Variants in PCDHGA2 observed in about 807,000 individuals in gnomAD.
PCDHGA2 encodes the protein protocadherin gamma-A2.
PCDHGA2 carries 40 observed loss-of-function variants against 59.2 expected under a neutral mutation model. The observed-to-expected ratio is 0.68, with a 90% confidence interval of 0.52 to 0.88. The LOEUF is 0.88. PCDHGA2 is among the 40% of genes least tolerant of loss of function. PCDHGA2 has a pLI of 0.00. For missense variants in PCDHGA2, 1,226 were observed against 1,204.0 expected (o/e 1.02, Z -0.27); for synonymous variants, 560 against 526.0 (o/e 1.06, Z -0.89).
intron 1 of PCDHGA2, among the ~76,000 whole-genome samples, chr5:141,347,066 CCTTCCT>C (rs1561493179): frequency 1.3e-5 from 2 of 149,860 alleles, no homozygotes; most frequent in African/African-American, 4.9e-5. Flanking sequence ...TTCCTTCCTT[CCTTCCT>C]CTCTCTCTTT....
rs1382764259 is a variant in PCDHGA2 at position 141,478,383 on chromosome 5, T to G, written c.2425-16424T>G. 2.5e-6 allele frequency: 4 copies of G among 1,613,630 alleles called. No individual in the cohort carries two copies. In the Admixed American group the frequency reaches 6.7e-5, roughly 27 times the overall value. Reference sequence around the variant, plus strand: ...CGGGGAGGCCTGATGTCGCCGCACCTTTACCATCAGGTGTATCTCACCACG... The same window carrying G: ...CGGGGAGGCCTGATGTCGCCGCACCGTTACCATCAGGTGTATCTCACCACG... On this transcript the variant is annotated intron_variant, in intron 1 of 3. Coordinates refer to ENST00000394576, the MANE Select transcript of PCDHGA2 (RefSeq NM_018915.4).
At chr5:141,341,460 C>T (rs777325888) in intron 1 of PCDHGA2, 65 bp downstream of exon 1, 3 of 1,602,750 alleles carry the variant, frequency 1.9e-6, no homozygotes, top group Non-Finnish European at 1.7e-6. Flanking sequence ...TACTTGTTTA[C>T]TATATCTATT....
intron 1 of PCDHGA2, among the ~76,000 whole-genome samples, chr5:141,347,616 G>A (rs1322206941): frequency 1.3e-5 from 2 of 152,010 alleles, no homozygotes; most frequent in Admixed American, 1.3e-4. Flanking sequence ...GTGAAAGCCT[G>A]TCTCTACTAA....
chr5:141,504,561 T>G (rs1023434942), intron 2 of PCDHGA2, among the ~76,000 whole-genome samples: 1 of 150,052 alleles, frequency 6.7e-6, no homozygotes, highest in Non-Finnish European at 1.5e-5. Context: ...GGGACTGGCA[T>G]TCTAGGGAAC....
At chr5:141,385,224 T>G (rs751833387) in intron 1 of PCDHGA2, 2 of 1,614,206 alleles carry the variant, frequency 1.2e-6, no homozygotes, top group Non-Finnish European at 1.7e-6. Flanking sequence ...AGCCCAACTA[T>G]GTAGACATGC....
At position 141,471,056 on chromosome 5, in the gene PCDHGA2, T is replaced by C. The variant is rs1367189715; in HGVS notation, c.2425-23751T>C. On this transcript the variant is annotated intron_variant, in intron 1 of 3. Coordinates refer to ENST00000394576, the MANE Select transcript of PCDHGA2 (RefSeq NM_018915.4). ...ACAAGCCCAAGCCCTCTTTTTTTTT[T>C]TTTTTTTTTTGAGACAGGGTCTCCC... Among the ~76,000 whole-genome samples, 581 of 150,056 alleles carry C rather than the reference T, an allele frequency of 3.9e-3. 6 individuals are homozygous for C. Among genetic ancestry groups the C allele is most frequent in the Admixed American group, 0.011 (167 of 15,092 alleles).
intron 1 of PCDHGA2, chr5:141,478,866 C>G: frequency 7.7e-7 from 1 of 1,304,352 alleles, no homozygotes; most frequent in East Asian, 2.5e-5. Context: ...TCTCAGCGAT[C>G]AGAGTTTAGC....
At position 141,485,685 on chromosome 5, in the gene PCDHGA2, G is replaced by A; in HGVS notation, c.2425-9122G>A. ...GGGAGCAATTCGATTAGCAGCTATA[G>A]GCTGAGCTCCAATGAACACTTTGCA... On this transcript the variant is annotated intron_variant, in intron 1 of 3. Coordinates refer to ENST00000394576, the MANE Select transcript of PCDHGA2 (RefSeq NM_018915.4). This position sits in a 1 kb window ranked among gnomAD's most constrained non-coding sequence, Gnocchi z 5.7. 1.2e-6 allele frequency: 2 copies of A among 1,614,052 alleles called. No homozygotes were observed. The highest frequency in any genetic ancestry group is 1.3e-5 in the African/African-American group (1 of 75,072).
intron 1 of PCDHGA2, chr5:141,427,959 C>A: frequency 1.3e-6 from 2 of 1,588,886 alleles, no homozygotes; most frequent in Non-Finnish European, 1.7e-6. Flanking sequence ...CAATGTGCCG[C>A]GGGTGCTGTA....
At chr5:141,361,676 T>C (rs1447277018) in intron 1 of PCDHGA2, 1 of 1,613,624 alleles carries the variant, frequency 6.2e-7, no homozygotes, top group Non-Finnish European at 8.5e-7. Context: ...AGCGGGGTGG[T>C]GTTCGCGCAG....
At chr5:141,425,353 T>C (rs868017955) in intron 1 of PCDHGA2, among the ~76,000 whole-genome samples, 2 of 152,296 alleles carry the variant, frequency 1.3e-5, no homozygotes, top group Middle Eastern at 3.4e-3. Context: ...CTTTGAAATG[T>C]GATATTAAGA....
At position 141,368,129 on chromosome 5, in the gene PCDHGA2, C is replaced by A. The variant is rs1188754487; in HGVS notation, c.2424+26734C>A. ...TGTTTCTTATTAAAATATTCTTAAT[C>A]CTTCAAATTTTGTACTTTTAAAACC... On this transcript the variant is annotated intron_variant, in intron 1 of 3. Transcript: ENST00000394576. Among the ~76,000 whole-genome samples, 9 of 152,216 alleles carry A rather than the reference C, an allele frequency of 5.9e-5. No individual in the cohort carries two copies. In the South Asian group the frequency reaches 1.2e-3, roughly 21 times the overall value.
chr5:141,507,851 C>T (rs570052933), intron 3 of PCDHGA2, among the ~76,000 whole-genome samples: 48 of 152,322 alleles, frequency 3.2e-4, no homozygotes, highest in African/African-American at 1.1e-3. Context: ...CCTGCTCTCA[C>T]TTTCACACCC....
In PCDHGA2 at chr5:141,406,998, A is replaced by G. The variant is rs138992041; in HGVS notation, c.2424+65603A>G. ...AACATTTCACAAGACATTTGAAAAT[A>G]AGCTTTGAAGTTGACTCAAAATTCT... On this transcript the variant is annotated intron_variant, in intron 1 of 3. Transcript: ENST00000394576. 7.5e-3 allele frequency among the ~76,000 whole-genome samples: 1,140 copies of G among 152,352 alleles called. 5 individuals carry two copies. The highest frequency in any genetic ancestry group is 0.012 in the Non-Finnish European group (837 of 68,024).
intron 1 of PCDHGA2, chr5:141,390,025 G>GA (rs2092024046): frequency 1.2e-6 from 2 of 1,613,882 alleles, no homozygotes; most frequent in Non-Finnish European, 1.7e-6. Context: ...TTGCGCCTGC[G>GA]ACGCTCCTCC....
At chr5:141,353,315 T>C (rs1759245241) in intron 1 of PCDHGA2, among the ~76,000 whole-genome samples, 1 of 152,222 alleles carries the variant, frequency 6.6e-6, no homozygotes, top group Non-Finnish European at 1.5e-5. Flanking sequence ...GTATTTAGAG[T>C]TCTTCCCACC....
intron 1 of PCDHGA2, chr5:141,365,874 A>G (rs1015574143): frequency 3.1e-6 from 5 of 1,613,932 alleles, no homozygotes; most frequent in African/African-American, 2.7e-5. Flanking sequence ...GGTGTCCTGT[A>G]TGCTCTGAGA....
At chr5:141,498,551 C>T (rs749191535) in intron 2 of PCDHGA2, among the ~76,000 whole-genome samples, 2 of 151,950 alleles carry the variant, frequency 1.3e-5, no homozygotes, top group Non-Finnish European at 2.9e-5. Context: ...GTCAGACACA[C>T]CAGCTTCAAA....
intron 1 of PCDHGA2, chr5:141,366,010 T>C (rs1764260638): frequency 1.2e-6 from 2 of 1,614,114 alleles, no homozygotes; most frequent in Non-Finnish European, 1.7e-6. Flanking sequence ...ACAATACGCC[T>C]GAGATCCTGT....
Sources: gnomAD v4.1 joint callset for allele counts (sites outside exome capture counted in the v4.1 genomes callset) on GRCh38, gnomAD v4.1.1 for gene constraint, Gnocchi (gnomAD v3.1) non-coding constraint, MANE v1.5 for transcripts, NCBI Gene and HGNC (gene_info 2026-07-23, HGNC 2026-07-21) for gene names.